The following GBP7 variants were observed in gnomAD, a reference collection of about 807,000 sequenced individuals.
GBP7 encodes the protein guanylate binding protein 7, also known as guanylate-binding protein 7.
GBP7 carries 43 observed loss-of-function variants against 61.3 expected under a neutral mutation model. The observed-to-expected ratio is 0.70, with a 90% CI of 0.55 to 0.91. The LOEUF is 0.91. Among genes scored for constraint, GBP7 ranks in the 40% least tolerant of loss-of-function variants. The pLI is 0.00. For synonymous variants in GBP7, 267 were observed against 271.0 expected (o/e 0.99, Z 0.14); for missense variants, 717 against 740.5 (o/e 0.97, Z 0.37).
intron 5 of GBP7, 108 bp downstream of exon 5, chr1:89,152,160 G>A (rs1682215949): frequency 6.8e-6 from 6 of 879,288 alleles, no homozygotes; most frequent in Non-Finnish European, 1.0e-5. Flanking sequence ...CATGAGCAAG[G>A]GCCTCAATCC....
In GBP7 at chr1:89,152,299, C is replaced by T. The variant is rs779771451; in HGVS notation, c.594G>A (p.Glu198=). ...KLDGHPITED[E]YLENALKLIS... is the part of the protein sequence containing the mutation. The stretch of plus-strand genomic sequence containing the variant: ...TCAGCTTCAAGGCATTCTCCAGGTA[C>T]TCATCTTCTGTGATGGGGTGTCCAT... The change falls in exon 5 of 11, where the codon GAG becomes GAA. Residue 198 remains glutamate, a synonymous_variant. Transcript: ENST00000294671. The T allele has an allele frequency of 6.2e-7, 1 of 1,614,090 alleles. No individual in the cohort carries two copies. The highest frequency in any genetic ancestry group is 8.5e-7 in the Non-Finnish European group (1 of 1,179,992).
At chr1:89,147,036 T>G (rs2100644205) in intron 8 of GBP7, among the ~76,000 whole-genome samples, 1 of 152,346 alleles carries the variant, frequency 6.6e-6, no homozygotes, top group African/African-American at 2.4e-5. Flanking sequence ...ATGTGGAAGA[T>G]AGTAGTAACT....
intron 8 of GBP7, among the ~76,000 whole-genome samples, chr1:89,146,910 T>C (rs1381411000): frequency 1.3e-5 from 2 of 152,140 alleles, no homozygotes; most frequent in Non-Finnish European, 2.9e-5. Context: ...AAAAGGAAAA[T>C]CCTGAGTTTC....
chr1:89,140,447 A>G (rs1681910066), intron 9 of GBP7, among the ~76,000 whole-genome samples: 1 of 127,274 alleles, frequency 7.9e-6, no homozygotes, highest in African/African-American at 3.1e-5. Context: ...TAATAATAAT[A>G]ATAAAAAAAA....
rs571395404 is a variant in GBP7 at position 89,149,276 on chromosome 1, A to T, written c.1152+16T>A. 40 of 1,577,468 alleles carry T rather than the reference A, an allele frequency of 2.5e-5. No homozygotes were observed. The highest frequency in any genetic ancestry group is 3.3e-5 in the Non-Finnish European group (38 of 1,162,568). On this transcript the variant is annotated intron_variant, in intron 7 of 10. Transcript: ENST00000294671. Reference sequence around the variant, plus strand: ...GAAAGGCAGGAATCAAGAAAAAAAAAAATAACAAAGATTACCACAAGCTTC... The same window carrying T: ...GAAAGGCAGGAATCAAGAAAAAAAATAATAACAAAGATTACCACAAGCTTC...
chr1:89,169,995 T>C (rs1647554534), intron 2 of GBP7, among the ~76,000 whole-genome samples: 1 of 152,204 alleles, frequency 6.6e-6, no homozygotes, highest in Non-Finnish European at 1.5e-5. Context: ...CCCAAATCTT[T>C]ACCTGACCTA....
Position 89,164,842 on chromosome 1 carries a change from G to A in GBP7, c.207C>T (p.Cys69=), listed in dbSNP as rs970376064. 29 of 1,613,632 alleles carry A rather than the reference G, an allele frequency of 1.8e-5. No individual in the cohort carries two copies. Among genetic ancestry groups the A allele is most frequent in the African/African-American group, 2.7e-5 (2 of 74,882 alleles). The part of the protein sequence containing the change: ...AGKNKGFPLG[C]TVKSETKGIW... ...TGCCTTTGGTTTCAGACTTCACTGT[G>A]CAGCCCAGAGGGAAGCCTTCAAGGG... The change falls in exon 3 of 11, where the codon TGC becomes TGT. Residue 69 remains cysteine (C), a synonymous_variant. Coordinates refer to ENST00000294671, the MANE Select transcript of GBP7 (RefSeq NM_207398.3).
chr1:89,169,884 TG>T (rs1227801536), intron 2 of GBP7, among the ~76,000 whole-genome samples: 1 of 152,242 alleles, frequency 6.6e-6, no homozygotes, highest in Non-Finnish European at 1.5e-5. Flanking sequence ...TTTCTTTGCT[TG>T]TGCCTTCTTT....
chr1:89,155,417 G>A (rs1010262570), intron 3 of GBP7, among the ~76,000 whole-genome samples: 4 of 152,182 alleles, frequency 2.6e-5, no homozygotes, highest in Non-Finnish European at 5.9e-5. Context: ...CCAAGCTAAA[G>A]GAGGATGTTC....
chr1:89,155,139 C>T (rs1206667081), intron 3 of GBP7, among the ~76,000 whole-genome samples: 1 of 152,232 alleles, frequency 6.6e-6, no homozygotes, highest in East Asian at 1.9e-4. Context: ...GCTGAAGGCC[C>T]TGACTGTTAG....
At chr1:89,171,661 C>G (rs1362209938) in intron 2 of GBP7, 85 bp downstream of exon 2, 6 of 1,252,330 alleles carry the variant, frequency 4.8e-6, no homozygotes, top group Non-Finnish European at 6.7e-6. Flanking sequence ...CCAACACTAA[C>G]TTTCTCTCAT....
At chr1:89,151,197 T>C (rs778615965) in intron 5 of GBP7, among the ~76,000 whole-genome samples, 1 of 152,190 alleles carries the variant, frequency 6.6e-6, no homozygotes, top group Non-Finnish European at 1.5e-5. Context: ...TTCACCCACA[T>C]GTCCTCATTT....
In GBP7 at chr1:89,131,836, C is replaced by G. The variant is rs1681683756; in HGVS notation, c.*313G>C. The G allele has an allele frequency of 5.2e-6, 1 of 191,528 alleles. No individual in the cohort carries two copies. The highest frequency in any genetic ancestry group is 1.1e-5 in the Non-Finnish European group (1 of 94,062). The allele number at this position is 191,528 out of a possible 1,614,324, so 11.9% of individuals were successfully genotyped here. A position where few individuals can be genotyped will look rare whatever the true frequency, so the allele number is the denominator to read the frequency against. On this transcript the variant is annotated 3_prime_UTR_variant, in exon 11 of 11. Transcript: ENST00000294671. ...AATATGTGGCGTTACTCTCTTCTCA[C>G]TGATTTGCAAGAGCTAATTATAACT...
intron 7 of GBP7, among the ~76,000 whole-genome samples, 172 bp from the exon 8 acceptor site, chr1:89,147,951 A>G (rs1682108127): frequency 6.6e-6 from 1 of 152,178 alleles, no homozygotes; most frequent in Admixed American, 6.5e-5. Context: ...TCTCTGCATG[A>G]CCTGTAGAAA....
chr1:89,173,972 T>G (rs921244451), intron 1 of GBP7, among the ~76,000 whole-genome samples: 1 of 152,228 alleles, frequency 6.6e-6, no homozygotes, highest in Admixed American at 6.5e-5. Context: ...GGATTTTCTT[T>G]TCTCAAATGA....
chr1:89,139,931 C>T (rs1270786556), intron 9 of GBP7, among the ~76,000 whole-genome samples: 3 of 152,144 alleles, frequency 2.0e-5, no homozygotes, highest in Non-Finnish European at 4.4e-5. Context: ...ACCCAGCCAT[C>T]CCATTACTGG....
At chr1:89,144,951 T>G (rs547319171) in intron 8 of GBP7, among the ~76,000 whole-genome samples, 1 of 122,824 alleles carries the variant, frequency 8.1e-6, no homozygotes, top group Admixed American at 9.2e-5. Flanking sequence ...TGACTTTCAC[T>G]CTTTTTTTTT....
chr1:89,141,737 C>CT (rs1176030807), intron 8 of GBP7, 89 bp from the exon 9 acceptor site: 3 of 994,054 alleles, frequency 3.0e-6, no homozygotes, highest in Non-Finnish European at 4.8e-6. Flanking sequence ...AGCCACAAAT[C>CT]TAACCTTGTA....
intron 2 of GBP7, among the ~76,000 whole-genome samples, chr1:89,169,540 TTTA>T (rs1371484102): frequency 6.6e-5 from 10 of 152,186 alleles, no homozygotes; most frequent in Non-Finnish European, 1.2e-4. Flanking sequence ...TACTTTTGAG[TTTA>T]TTATTATTTA....
Sources: gnomAD v4.1 joint callset for allele counts (sites outside exome capture counted in the v4.1 genomes callset) on GRCh38, gnomAD v4.1.1 for gene constraint, MANE v1.5 for transcripts, NCBI Gene and HGNC (gene_info 2026-07-23, HGNC 2026-07-21) for gene names.